IGFBP4: variants seen among roughly 807,000 people sequenced by gnomAD.
IGFBP4 encodes insulin like growth factor binding protein 4, also known as insulin-like growth factor-binding protein 4.
A neutral mutation model predicts 25.8 loss-of-function variants in IGFBP4; 9 were observed. The observed-to-expected ratio is 0.35, with a 90% CI of 0.21 to 0.61. The LOEUF is 0.61. Ranked by LOEUF, IGFBP4 falls within the 20% of genes least tolerant of loss-of-function variation. The pLI is 0.77. For synonymous variants in IGFBP4, 153 were observed against 153.9 expected (o/e 0.99, Z 0.05); for missense variants, 315 against 365.3 (o/e 0.86, Z 1.12).
Position 40,443,697 on chromosome 17 carries a change from G to T in IGFBP4, c.-39G>T. ...CCGCGCGCCCGCGCTCCCCGCCTGC[G>T]CCCAGCGCCCCGCGCCCGCGCCCAG... On this transcript the variant is annotated 5_prime_UTR_variant, in exon 1 of 4. Coordinates refer to ENST00000269593, the MANE Select transcript of IGFBP4 (RefSeq NM_001552.3). 2 of 1,244,720 alleles carry T rather than the reference G, an allele frequency of 1.6e-6. No individual in the cohort carries two copies. Among genetic ancestry groups the T allele is most frequent in the Non-Finnish European group, 2.0e-6 (2 of 983,592 alleles). The allele number at this position is 1,244,720 out of a possible 1,614,324, so 77.1% of individuals were successfully genotyped here. A position where few individuals can be genotyped will look rare whatever the true frequency, so the allele number is the denominator to read the frequency against.
At chr17:40,446,143 G>A (rs1306942747) in intron 1 of IGFBP4, among the ~76,000 whole-genome samples, 1 of 132,666 alleles carries the variant, frequency 7.5e-6, no homozygotes, top group Non-Finnish European at 1.5e-5. Flanking sequence ...ACCAGCCTGA[G>A]CAATATAGCC....
intron 1 of IGFBP4, among the ~76,000 whole-genome samples, chr17:40,446,892 C>T (rs2035649769): frequency 6.6e-6 from 1 of 152,168 alleles, no homozygotes; most frequent in African/African-American, 2.4e-5. Flanking sequence ...CCACATGGCA[C>T]CATGTAAAAG....
At position 40,453,154 on chromosome 17, in the gene IGFBP4, C is replaced by G; in HGVS notation, c.507+12C>G. ...ATGCCCGGCCTGTGGTAAGGACCTC[C>G]GATGCACAAATGTGCATGTGCATAG... On this transcript the variant is annotated intron_variant, in intron 2 of 3. Transcript: ENST00000269593. The surrounding 1 kb of genome is among the most constrained non-coding windows in gnomAD (Gnocchi z 4.0). 2 of 1,534,860 alleles carry G rather than the reference C, an allele frequency of 1.3e-6. No homozygotes were observed. The highest frequency in any genetic ancestry group is 1.8e-6 in the Non-Finnish European group (2 of 1,137,966).
chr17:40,453,898 G>A lies in IGFBP4; in HGVS notation c.508-30G>A, dbSNP rs758315409. ...TGGGCCTCCTGCCTCTCTTCCTTCT[G>A]CTGAGCAATTTTGTCTTCCCCTCCT... On this transcript the variant is annotated intron_variant, in intron 2 of 3. Transcript: ENST00000269593. This position sits in a 1 kb window ranked among gnomAD's most constrained non-coding sequence, Gnocchi z 4.0. The A allele has an allele frequency of 8.3e-6, 13 of 1,569,234 alleles. No homozygotes were observed. In the Middle Eastern group the frequency reaches 5.0e-4, roughly 61 times the overall value.
intron 1 of IGFBP4, among the ~76,000 whole-genome samples, chr17:40,444,465 G>A (rs137870488): frequency 2.0e-5 from 3 of 152,290 alleles, no homozygotes; most frequent in Admixed American, 6.5e-5. Flanking sequence ...GGAGGATGAG[G>A]GAGTGGGGAA....
intron 1 of IGFBP4, among the ~76,000 whole-genome samples, chr17:40,446,958 C>CCAAG (rs1275659167): frequency 6.6e-6 from 1 of 152,238 alleles, no homozygotes; most frequent in African/African-American, 2.4e-5. Context: ...GATAAGACGA[C>CCAAG]CAAGCCCCTA....
intron 1 of IGFBP4, among the ~76,000 whole-genome samples, chr17:40,444,858 CAGAGAGAG>C (rs112583043): frequency 4.1e-5 from 5 of 122,840 alleles, no homozygotes; most frequent in African/African-American, 9.5e-5. Flanking sequence ...GGGAGAGAAA[CAGAGAGAG>C]AGAGAGAGAG....
intron 3 of IGFBP4, 77 bp from the exon 4 acceptor site, chr17:40,456,372 G>T (rs1351824631): frequency 6.6e-7 from 1 of 1,517,616 alleles, no homozygotes; most frequent in Non-Finnish European, 9.1e-7. Flanking sequence ...GGGCTGGGCT[G>T]GGCTGGGATT....
At chr17:40,448,660 G>A (rs529604272) in intron 1 of IGFBP4, among the ~76,000 whole-genome samples, 1 of 152,320 alleles carries the variant, frequency 6.6e-6, no homozygotes, top group African/African-American at 2.4e-5. Context: ...GAAGGTTAAC[G>A]TTATCAAGAG....
chr17:40,456,540 G>A lies in IGFBP4; in HGVS notation c.734G>A (p.Gly245Glu), dbSNP rs774070598. The change falls in exon 4 of 4, where the codon GGG becomes GAG. Residue 245 changes from glycine to glutamate, a missense_variant. Gly to Glu is a moderately conservative substitution (Grantham distance 98). Transcript: ENST00000269593. ...CTTCCGGGGGGCCTGGAGCCAAAGG[G>A]GGAGCTGGACTGCCACCAGCTGGCT... Reference protein sequence around the residue: ...VKLPGGLEPKGELDCHQLADS... With the variant: ...VKLPGGLEPKEELDCHQLADS... 7 of 1,613,608 alleles carry A rather than the reference G, an allele frequency of 4.3e-6. No individual in the cohort carries two copies. In the South Asian group the frequency reaches 6.6e-5, roughly 15 times the overall value.
In IGFBP4 at chr17:40,456,413, C is replaced by T. The variant is rs561034669; in HGVS notation, c.643-36C>T. 112 of 1,612,666 alleles carry T rather than the reference C, an allele frequency of 6.9e-5. 2 individuals are homozygous for T. Among genetic ancestry groups the T allele is most frequent in the South Asian group, 6.6e-4 (60 of 90,968 alleles). On this transcript the variant is annotated intron_variant, in intron 3 of 3. Coordinates refer to ENST00000269593, the MANE Select transcript of IGFBP4 (RefSeq NM_001552.3). ...GGGTCACTTGGGGTCTCTTTTCCTG[C>T]GTCGGAACTGACCCCTCATGTCCTT...
rs1169517474 is a variant in IGFBP4, at chr17:40,453,886, T to C, written c.508-42T>C. 2.6e-6 allele frequency: 4 copies of C among 1,513,694 alleles called. No individual in the cohort carries two copies. Among genetic ancestry groups the C allele is most frequent in the Non-Finnish European group, 3.6e-6 (4 of 1,107,686 alleles). 93.8% of individuals were successfully genotyped at this position (1,513,694 alleles called of 1,614,324 possible). A position where few individuals can be genotyped will look rare whatever the true frequency, so the allele number is the denominator to read the frequency against. On this transcript the variant is annotated intron_variant, in intron 2 of 3. Transcript: ENST00000269593. The surrounding 1 kb of genome is among the most constrained non-coding windows in gnomAD (Gnocchi z 4.0). ...TGACCCCAGGCCTGGGCCTCCTGCC[T>C]CTCTTCCTTCTGCTGAGCAATTTTG...
chr17:40,445,346 C>A (rs10305284), intron 1 of IGFBP4, among the ~76,000 whole-genome samples: 3 of 152,100 alleles, frequency 2.0e-5, no homozygotes, highest in Non-Finnish European at 4.4e-5. Context: ...ATTCCATCTC[C>A]GACCCTGTTT....
At chr17:40,444,926 C>CACAGAGAG (rs1456516087) in intron 1 of IGFBP4, among the ~76,000 whole-genome samples, 2 of 62,688 alleles carry the variant, frequency 3.2e-5, no homozygotes, top group Admixed American at 2.0e-4. Context: ...CACACACACA[C>CACAGAGAG]AGAGACAGAG....
intron 1 of IGFBP4, among the ~76,000 whole-genome samples, chr17:40,451,658 C>T (rs571744847): frequency 3.3e-5 from 5 of 152,220 alleles, no homozygotes; most frequent in African/African-American, 7.2e-5. Context: ...GCACTCAGGC[C>T]GGCAGCGAGC....
chr17:40,444,727 C>T (rs10305280), intron 1 of IGFBP4, among the ~76,000 whole-genome samples: 22 of 152,018 alleles, frequency 1.4e-4, no homozygotes, highest in Non-Finnish European at 3.1e-4. Context: ...TATACAGGCC[C>T]CCTGTTCTTT....
intron 1 of IGFBP4, among the ~76,000 whole-genome samples, chr17:40,447,985 T>C (rs2035659285): frequency 6.6e-6 from 1 of 152,214 alleles, no homozygotes; most frequent in Admixed American, 6.5e-5. Flanking sequence ...TTATCTGTTT[T>C]TTATTCTGAG....
intron 1 of IGFBP4, among the ~76,000 whole-genome samples, chr17:40,450,584 C>A (rs2035677095): frequency 1.3e-5 from 2 of 152,092 alleles, no homozygotes; most frequent in South Asian, 4.1e-4. Context: ...GTTACCCAGG[C>A]TGGAGTGCAG....
intron 1 of IGFBP4, among the ~76,000 whole-genome samples, chr17:40,451,751 G>A (rs2035684282): frequency 6.6e-6 from 1 of 152,198 alleles, no homozygotes; most frequent in Non-Finnish European, 1.5e-5. Context: ...CCTGTATTCT[G>A]GTTTTGACTG....
Sources: gnomAD v4.1 joint callset for allele counts (sites outside exome capture counted in the v4.1 genomes callset) on GRCh38, gnomAD v4.1.1 for gene constraint, Gnocchi (gnomAD v3.1) non-coding constraint, MANE v1.5 for transcripts, NCBI Gene and HGNC (gene_info 2026-07-23, HGNC 2026-07-21) for gene names.